Variants in PFKP observed in about 807,000 individuals in gnomAD.
PFKP encodes phosphofructokinase, platelet, also known as ATP-dependent 6-phosphofructokinase, platelet type.
In PFKP, 101 loss-of-function variants were observed where a neutral mutation model predicts 94.3. The ratio of observed to expected loss-of-function variants is 1.07; its 90% CI spans 0.91 to 1.26. The LOEUF (loss-of-function observed/expected upper bound fraction) is 1.26. PFKP is among the 50% of genes most tolerant of loss of function. The probability of loss-of-function intolerance (pLI) is 0.00; values close to 1 mark genes in which losing one functional copy is unlikely to be tolerated. For missense variants in PFKP, 1,145 were observed against 1,103.3 expected, an observed-to-expected ratio of 1.04 and a Z score of -0.53; for synonymous variants, 573 against 432.6, an observed-to-expected ratio of 1.32 and a Z score of -4.03.
chr10:3,086,484 T>G (rs76710834), intron 2 of PFKP, among the ~76,000 whole-genome samples: 2,369 of 152,306 alleles, frequency 0.016, 55 homozygotes, highest in African/African-American at 0.053. Context: ...TACCAGTGTT[T>G]GGAGGCATTT....
intron 16 of PFKP, among the ~76,000 whole-genome samples, chr10:3,122,570 G>T (rs1013702169): frequency 2.0e-5 from 3 of 152,220 alleles, no homozygotes; most frequent in Non-Finnish European, 2.9e-5. Flanking sequence ...ATCAGGGTGT[G>T]AGGCAACTGG....
chr10:3,098,809 G>A (rs540523082), intron 2 of PFKP, among the ~76,000 whole-genome samples: 1 of 152,178 alleles, frequency 6.6e-6, no homozygotes, highest in South Asian at 2.1e-4. Flanking sequence ...CAGCTGTGCT[G>A]TTTAATAATA....
chr10:3,072,438 C>T (rs1276481196), intron 1 of PFKP, among the ~76,000 whole-genome samples: 1 of 152,190 alleles, frequency 6.6e-6, no homozygotes, highest in Non-Finnish European at 1.5e-5. Flanking sequence ...GCTCTGGGCC[C>T]GTTACCTTCC....
intron 10 of PFKP, among the ~76,000 whole-genome samples, chr10:3,110,706 GTC>G (rs1175002672): frequency 3.3e-5 from 5 of 152,224 alleles, no homozygotes; most frequent in African/African-American, 1.2e-4. Flanking sequence ...GCAGGCTTGT[GTC>G]TCTGTGTGTA....
rs758494564 is a variant in PFKP, at chr10:3,113,374, C to T, written c.1227C>T (p.Thr409=). ...CTCACCTGCCTTCTGTTTTGCAGACCAATTGCAACGTAGCTGTCATCAACG... is the reference window on the plus strand; with the variant it reads ...CTCACCTGCCTTCTGTTTTGCAGACTAATTGCAACGTAGCTGTCATCAACG... The part of the protein sequence containing the change: ...IKLPDDQIPK[T]NCNVAVINVG... Residue 409 remains threonine, a splice_region_variant and synonymous_variant, in exon 13 of 22, where the codon ACC becomes ACT. Coordinates refer to ENST00000381125, the MANE Select transcript of PFKP (RefSeq NM_002627.5). 29 of 1,583,092 alleles carry T rather than the reference C, an allele frequency of 1.8e-5. No homozygotes were observed. The highest frequency in any genetic ancestry group is 3.4e-5 in the Admixed American group (2 of 58,000).
In PFKP at chr10:3,071,803, C is replaced by T. The variant is rs144118953; in HGVS notation, c.112+4096C>T. ...TCCACATAAATTGAGTAAGTACAAA[C>T]CTTTCCAATCCTAGTGAGAATAACT... On this transcript the variant is annotated intron_variant, in intron 1 of 21. Transcript: ENST00000381125. 1.7e-3 allele frequency among the ~76,000 whole-genome samples: 253 copies of T among 152,328 alleles called. 2 individuals are homozygous for T. The highest frequency in any genetic ancestry group is 5.8e-3 in the African/African-American group (242 of 41,564).
At chr10:3,101,641 A>G (rs1835008048) in intron 4 of PFKP, 87 bp downstream of exon 4, 1 of 922,996 alleles carries the variant, frequency 1.1e-6, no homozygotes, top group Non-Finnish European at 1.6e-6. Context: ...TCACTGTGGC[A>G]GAAGTACCTC....
chr10:3,117,978 T>C (rs902824223), intron 14 of PFKP, among the ~76,000 whole-genome samples: 9 of 152,116 alleles, frequency 5.9e-5, no homozygotes, highest in Non-Finnish European at 1.0e-4. Flanking sequence ...CTTCACTTCT[T>C]CCAATCAACA....
rs141674189 is a variant in PFKP, at chr10:3,084,268, C to A, written c.186+1807C>A. ...GCGCAGGGAAGGCGGTGCTCTAGCTCCCATGATGATGCTGTGTGCCGCTGT... is the reference window on the plus strand; with the variant it reads ...GCGCAGGGAAGGCGGTGCTCTAGCTACCATGATGATGCTGTGTGCCGCTGT... On this transcript the variant is annotated intron_variant, in intron 2 of 21. Coordinates refer to ENST00000381125, the MANE Select transcript of PFKP (RefSeq NM_002627.5). Among the ~76,000 whole-genome samples, 940 of 152,322 alleles carry A rather than the reference C, an allele frequency of 6.2e-3. 9 individuals carry two copies. The highest frequency in any genetic ancestry group is 0.021 in the African/African-American group (884 of 41,564).
In PFKP at chr10:3,129,815, C is replaced by T. The variant is rs749127513; in HGVS notation, c.1684-4C>T. The T allele has an allele frequency of 3.1e-6, 5 of 1,613,278 alleles. No individual in the cohort carries two copies. Among genetic ancestry groups the T allele is most frequent in the South Asian group, 2.2e-5 (2 of 91,070 alleles). ...GGAGTGACTGATCGCTTCTCTGTGA[C>T]CAGACCTGCGACCGCATCAAGCAGT... On this transcript the variant is annotated splice_region_variant and splice_polypyrimidine_tract_variant and intron_variant, in intron 16 of 21. Transcript: ENST00000381125.
At chr10:3,131,487 C>T (rs376795070) in intron 17 of PFKP, among the ~76,000 whole-genome samples, 21 of 152,256 alleles carry the variant, frequency 1.4e-4, no homozygotes, top group South Asian at 1.2e-3. Context: ...GATGGAGTCT[C>T]GCTCTGTCAC....
intron 19 of PFKP, 80 bp downstream of exon 19, chr10:3,133,394 G>A (rs910069345): frequency 3.2e-6 from 3 of 924,704 alleles, no homozygotes; most frequent in South Asian, 1.3e-5. Context: ...TTTAGCCATT[G>A]TGGGGAAAAA....
chr10:3,068,956 G>C (rs929316845), intron 1 of PFKP, among the ~76,000 whole-genome samples: 76 of 152,256 alleles, frequency 5.0e-4, no homozygotes, highest in Middle Eastern at 6.8e-3. Flanking sequence ...CCCACTGCGC[G>C]GGTGACCTTC....
rs542718034 is a variant in PFKP at position 3,136,428 on chromosome 10, C to CT, written c.2226-21dup. ...CCGCCAGTGACTGCAGGCCTCACTG[C>CT]TGTCTCCTCTTACCTCCACAGGCAC... On this transcript the variant is annotated intron_variant, in intron 21 of 21. Transcript: ENST00000381125. The CT allele has an allele frequency of 2.1e-4, 337 of 1,612,830 alleles. No homozygotes were observed. The African/African-American group carries it at 4.0e-3, about 19-fold the overall frequency.
intron 4 of PFKP, among the ~76,000 whole-genome samples, chr10:3,102,551 T>C (rs927490580): frequency 3.3e-5 from 5 of 151,972 alleles, no homozygotes; most frequent in Non-Finnish European, 5.9e-5. Flanking sequence ...GCAGCTGGGA[T>C]TACAGGCATG....
chr10:3,087,040 T>C (rs1833658094), intron 2 of PFKP, among the ~76,000 whole-genome samples: 1 of 151,842 alleles, frequency 6.6e-6, no homozygotes, highest in Admixed American at 6.6e-5. Context: ...TGGTGTGATC[T>C]CAGCTCACTG....
chr10:3,108,170 G>C (rs1336364478), intron 8 of PFKP, among the ~76,000 whole-genome samples: 1 of 152,208 alleles, frequency 6.6e-6, no homozygotes, highest in African/African-American at 2.4e-5. Flanking sequence ...AAGGAACCAA[G>C]GAATTTACGT....
chr10:3,132,652 ATTCT>A (rs1211317285), intron 18 of PFKP, among the ~76,000 whole-genome samples: 1 of 152,178 alleles, frequency 6.6e-6, no homozygotes, highest in Admixed American at 6.5e-5. Flanking sequence ...ATAGTCTCTT[ATTCT>A]TTGATATCTT....
chr10:3,099,282 A>G lies in PFKP; in HGVS notation c.194A>G (p.Gln65Arg). Residue 65 changes from glutamine (Q) to arginine (R), a missense_variant, in exon 3 of 22, where the codon CAG (glutamine) becomes CGG (arginine). Physicochemically the swap from Gln to Arg is conservative, Grantham distance 43. Coordinates refer to ENST00000381125, the MANE Select transcript of PFKP (RefSeq NM_002627.5). ...TCTCCCTTTCTCCCCTAGGGCTACCAGGGCATGGTGGACGGAGGCTCAAAC... is the reference window on the plus strand; with the variant it reads ...TCTCCCTTTCTCCCCTAGGGCTACCGGGGCATGGTGGACGGAGGCTCAAAC... ...AKVYFIYEGY[Q>R]GMVDGGSNIA... 1 of 1,613,516 alleles carries G rather than the reference A, an allele frequency of 6.2e-7. No individual in the cohort carries two copies. Among genetic ancestry groups the G allele is most frequent in the South Asian group, 1.1e-5 (1 of 91,076 alleles).
Sources: allele counts gnomAD v4.1 joint callset (sites outside exome capture counted in the v4.1 genomes callset), GRCh38; gene constraint gnomAD v4.1.1; transcripts MANE v1.5; gene names NCBI Gene and HGNC (gene_info 2026-07-23, HGNC 2026-07-21).